The following CHN2 variants were observed in gnomAD, a reference collection of about 807,000 sequenced individuals.
CHN2 encodes chimerin 2.
CHN2 carries 35 observed loss-of-function variants against 56.3 expected under a neutral mutation model. That is an observed-to-expected ratio of 0.62 (90% confidence interval 0.47 to 0.82). CHN2 has a LOEUF of 0.82. Ranked by LOEUF, CHN2 falls within the 40% of genes least tolerant of loss-of-function variation. The pLI is 0.00. For synonymous variants in CHN2, 210 were observed against 212.8 expected (o/e 0.99, Z 0.12); for missense variants, 491 against 580.5 (o/e 0.85, Z 1.58).
intron 9 of CHN2, among the ~76,000 whole-genome samples, chr7:29,503,536 C>G (rs1304265263): frequency 2.0e-5 from 3 of 152,108 alleles, no homozygotes; most frequent in African/African-American, 4.8e-5. Flanking sequence ...GTCACCTGAA[C>G]AATTGGAACT....
chr7:29,329,852 A>T (rs911248263), intron 1 of CHN2, among the ~76,000 whole-genome samples: 2 of 152,232 alleles, frequency 1.3e-5, no homozygotes, highest in Non-Finnish European at 2.9e-5. Flanking sequence ...GTGGCTTTTC[A>T]GAGAAGAAAT....
At chr7:29,287,101 C>T (rs1009397140) in intron 1 of CHN2, among the ~76,000 whole-genome samples, 5 of 152,122 alleles carry the variant, frequency 3.3e-5, no homozygotes, top group South Asian at 2.1e-4. Context: ...CTACTTTATA[C>T]GGGTATGCAG....
chr7:29,429,284 A>G (rs575445947), intron 6 of CHN2, among the ~76,000 whole-genome samples: 2 of 152,354 alleles, frequency 1.3e-5, no homozygotes, highest in Admixed American at 1.3e-4. Context: ...TGAAATAGCT[A>G]TGCATTTAAC....
intron 1 of CHN2, among the ~76,000 whole-genome samples, chr7:29,231,777 TC>T (rs1427509896): frequency 6.6e-6 from 1 of 152,230 alleles, no homozygotes; most frequent in Non-Finnish European, 1.5e-5. Flanking sequence ...TCTTGAACAT[TC>T]CGCATTTTTA....
chr7:29,239,512 A>C (rs894593294), intron 1 of CHN2, among the ~76,000 whole-genome samples: 3 of 152,210 alleles, frequency 2.0e-5, no homozygotes, highest in East Asian at 1.9e-4. Context: ...ACACACACAC[A>C]CCCCTCAACA....
At chr7:29,452,001 G>T (rs1268310006) in intron 6 of CHN2, among the ~76,000 whole-genome samples, 2 of 152,202 alleles carry the variant, frequency 1.3e-5, no homozygotes, top group Non-Finnish European at 2.9e-5. Context: ...AGGACAGCAG[G>T]GTCCTTAGGG....
At chr7:29,284,176 A>G (rs1791961873) in intron 1 of CHN2, among the ~76,000 whole-genome samples, 1 of 150,176 alleles carries the variant, frequency 6.7e-6, no homozygotes. Context: ...CCTCACTACA[A>G]CCTCCACCTT....
At chr7:29,506,690 G>C (rs1416041534) in intron 10 of CHN2, among the ~76,000 whole-genome samples, 3 of 152,140 alleles carry the variant, frequency 2.0e-5, no homozygotes, top group Non-Finnish European at 4.4e-5. Context: ...CAAGAGGAAA[G>C]GGTAAAGTTT....
intron 1 of CHN2, among the ~76,000 whole-genome samples, chr7:29,220,107 A>G (rs1785661532): frequency 6.6e-6 from 1 of 151,896 alleles, no homozygotes; most frequent in Non-Finnish European, 1.5e-5. Context: ...AAAAAGGAAA[A>G]GTTGAAAATA....
chr7:29,482,153 G>C (rs1331039724), intron 7 of CHN2, among the ~76,000 whole-genome samples: 4 of 152,134 alleles, frequency 2.6e-5, no homozygotes, highest in African/African-American at 9.7e-5. Context: ...AAACTCAAAA[G>C]CTATTCACCG....
chr7:29,454,600 C>A, intron 6 of CHN2, among the ~76,000 whole-genome samples: 1 of 152,202 alleles, frequency 6.6e-6, no homozygotes, highest in Non-Finnish European at 1.5e-5. Context: ...ATTTCTTACC[C>A]ATGTGACATG....
chr7:29,496,731 A>G (rs1789338333), intron 8 of CHN2, among the ~76,000 whole-genome samples: 1 of 152,198 alleles, frequency 6.6e-6, no homozygotes, highest in Non-Finnish European at 1.5e-5. Flanking sequence ...GGAGGTATAC[A>G]CCTATTGCTA....
intron 1 of CHN2, among the ~76,000 whole-genome samples, chr7:29,250,641 A>G (rs117378686): frequency 6.6e-6 from 1 of 151,838 alleles, no homozygotes; most frequent in Non-Finnish European, 1.5e-5. Flanking sequence ...CTACTTGTTG[A>G]TGTGTAATAA....
At chr7:29,204,814 G>A (rs574033268) in intron 1 of CHN2, among the ~76,000 whole-genome samples, 20 of 152,080 alleles carry the variant, frequency 1.3e-4, no homozygotes, top group Admixed American at 2.6e-4. Context: ...GCCTTTTTTC[G>A]GAATATGAAT....
intron 1 of CHN2, among the ~76,000 whole-genome samples, chr7:29,264,960 A>G (rs1237255768): frequency 6.6e-6 from 1 of 151,836 alleles, no homozygotes; most frequent in African/African-American, 2.4e-5. Flanking sequence ...AATTTAATCT[A>G]TTGGGAAATG....
intron 1 of CHN2, among the ~76,000 whole-genome samples, chr7:29,318,435 C>G (rs966109020): frequency 1.3e-5 from 2 of 152,092 alleles, no homozygotes; most frequent in African/African-American, 2.4e-5. Context: ...GACTCCTTTC[C>G]CAGAGGGTTC....
At chr7:29,352,219 C>G (rs1334753669) in intron 1 of CHN2, among the ~76,000 whole-genome samples, 2 of 152,168 alleles carry the variant, frequency 1.3e-5, no homozygotes, top group African/African-American at 4.8e-5. Flanking sequence ...GCTCTAGATA[C>G]TGAACTTGCT....
chr7:29,351,559 G>T (rs948424211), intron 1 of CHN2, among the ~76,000 whole-genome samples: 3 of 152,286 alleles, frequency 2.0e-5, no homozygotes, highest in Non-Finnish European at 4.4e-5. Context: ...CAGGAACCTG[G>T]CAGGTAGAGC....
chr7:29,188,644 A>G (rs1329634495), intron 2 of CHN2, among the ~76,000 whole-genome samples: 1 of 152,138 alleles, frequency 6.6e-6, no homozygotes, highest in Non-Finnish European at 1.5e-5. Context: ...GGCAGAGGAC[A>G]TTCAGAGTAC....
Sources: gnomAD v4.1 joint callset for allele counts (sites outside exome capture counted in the v4.1 genomes callset) on GRCh38, gnomAD v4.1.1 for gene constraint, MANE v1.5 for transcripts, NCBI Gene and HGNC (gene_info 2026-07-23, HGNC 2026-07-21) for gene names.